Variants in ARNT2 observed in about 807,000 individuals in gnomAD.
The protein encoded by ARNT2 is ARNT protein 2.
A neutral mutation model predicts 91.7 loss-of-function variants in ARNT2; 36 were observed. That is an observed-to-expected ratio of 0.39 (90% confidence interval 0.30 to 0.52). The LOEUF (loss-of-function observed/expected upper bound fraction) is 0.52. ARNT2 is among the 20% of genes least tolerant of loss of function. The pLI is 0.72. For missense variants in ARNT2, 775 were observed against 939.3 expected, an observed-to-expected ratio of 0.83 and a Z score of 2.29; for synonymous variants, 365 against 347.1, an observed-to-expected ratio of 1.05 and a Z score of -0.57.
At chr15:80,570,994 A>G (rs1309933856) in intron 12 of ARNT2, among the ~76,000 whole-genome samples, 1 of 152,214 alleles carries the variant, frequency 6.6e-6, no homozygotes, top group East Asian at 1.9e-4. Flanking sequence ...ATCAGCACAG[A>G]CGGCATGGCC....
intron 8 of ARNT2, among the ~76,000 whole-genome samples, chr15:80,547,182 A>G (rs978119080): frequency 1.9e-4 from 29 of 152,128 alleles, no homozygotes; most frequent in Admixed American, 1.9e-3. Context: ...TAACACTGAG[A>G]TGTTATTTGC....
intron 1 of ARNT2, among the ~76,000 whole-genome samples, chr15:80,449,544 T>A (rs1475152717): frequency 6.6e-6 from 1 of 152,226 alleles, no homozygotes; most frequent in East Asian, 1.9e-4. Context: ...ATGTGTACCT[T>A]GGTTTAAAAA....
chr15:80,545,462 T>C (rs1046008278), intron 8 of ARNT2, among the ~76,000 whole-genome samples: 3 of 152,182 alleles, frequency 2.0e-5, no homozygotes, highest in African/African-American at 4.8e-5. Flanking sequence ...ATGAAGACTT[T>C]TGATTTGTGT....
At chr15:80,543,245 C>T (rs1327188377) in intron 8 of ARNT2, among the ~76,000 whole-genome samples, 1 of 152,062 alleles carries the variant, frequency 6.6e-6, no homozygotes, top group Non-Finnish European at 1.5e-5. Flanking sequence ...GTGCTCCACA[C>T]ACATCTTTCT....
At chr15:80,434,551 G>A (rs1394664963) in intron 1 of ARNT2, 1 of 152,496 alleles carries the variant, frequency 6.6e-6, no homozygotes, top group Non-Finnish European at 1.5e-5. Flanking sequence ...GAAGGTGTGA[G>A]TGTGAGCTCA....
At chr15:80,549,181 A>AAGAT (rs1382798437) in intron 8 of ARNT2, among the ~76,000 whole-genome samples, 2 of 152,280 alleles carry the variant, frequency 1.3e-5, no homozygotes, top group Non-Finnish European at 2.9e-5. Context: ...TATTTAGAGA[A>AAGAT]AGATAAAATT....
At chr15:80,480,963 T>A (rs1896877118) in intron 5 of ARNT2, among the ~76,000 whole-genome samples, 1 of 152,166 alleles carries the variant, frequency 6.6e-6, no homozygotes, top group Non-Finnish European at 1.5e-5. Flanking sequence ...CCTTCCCCTA[T>A]CTCCTATATG....
At chr15:80,493,066 G>A (rs1897078316) in intron 5 of ARNT2, among the ~76,000 whole-genome samples, 1 of 152,154 alleles carries the variant, frequency 6.6e-6, no homozygotes, top group African/African-American at 2.4e-5. Flanking sequence ...CTGACATCTG[G>A]CAGGGGCCCT....
chr15:80,560,532 G>A (rs756376794), intron 11 of ARNT2, among the ~76,000 whole-genome samples: 33 of 152,080 alleles, frequency 2.2e-4, no homozygotes, highest in African/African-American at 3.6e-4. Flanking sequence ...TCCTAAGGTC[G>A]TGCCTTCTGT....
intron 1 of ARNT2, among the ~76,000 whole-genome samples, chr15:80,419,611 A>G (rs1298717426): frequency 6.6e-6 from 1 of 152,218 alleles, no homozygotes; most frequent in African/African-American, 2.4e-5. Flanking sequence ...AAGAGGAATC[A>G]GTGGCCCAGT....
Position 80,514,425 on chromosome 15 carries a change from A to G in ARNT2, c.877+20A>G. ...CAGCAGGTAAGGAGACCTGCATGTA[A>G]ATTCCACGGGAACTGGGTGCTGCTC... On this transcript the variant is annotated intron_variant, in intron 8 of 18. Transcript: ENST00000303329. 1 of 1,609,726 alleles carries G rather than the reference A, an allele frequency of 6.2e-7. No homozygotes were observed. The highest frequency in any genetic ancestry group is 1.1e-5 in the South Asian group (1 of 90,972).
chr15:80,504,698 G>A (rs1055915265), intron 5 of ARNT2, among the ~76,000 whole-genome samples: 42 of 152,052 alleles, frequency 2.8e-4, no homozygotes, highest in African/African-American at 9.2e-4. Flanking sequence ...AGCCTCAGAG[G>A]TCAAGGCTGC....
rs1893362468 is a variant in ARNT2 at position 80,595,569 on chromosome 15, T to A, written c.*1871T>A. 2 of 152,256 alleles carry A rather than the reference T, an allele frequency of 1.3e-5. No homozygotes were observed. The highest frequency in any genetic ancestry group is 1.3e-4 in the Admixed American group (2 of 15,286). The allele number at this position is 152,256 out of a possible 1,614,324, so 9.4% of individuals were successfully genotyped here. A position where few individuals can be genotyped will look rare whatever the true frequency, so the allele number is the denominator to read the frequency against. On this transcript the variant is annotated 3_prime_UTR_variant, in exon 19 of 19. Coordinates refer to ENST00000303329, the MANE Select transcript of ARNT2 (RefSeq NM_014862.4). ...CTGGGGGACCTACAAAAGTCAAACA[T>A]TGCTCAGTAAAATGCCTTTGGCTGG...
intron 1 of ARNT2, among the ~76,000 whole-genome samples, chr15:80,422,812 A>G (rs531499623): frequency 6.6e-6 from 1 of 152,346 alleles, no homozygotes; most frequent in East Asian, 1.9e-4. Context: ...GATATTATTC[A>G]TATTAAATAT....
At chr15:80,410,266 C>G (rs1895661691) in intron 1 of ARNT2, among the ~76,000 whole-genome samples, 1 of 152,186 alleles carries the variant, frequency 6.6e-6, no homozygotes, top group Non-Finnish European at 1.5e-5. Flanking sequence ...CCCTGTCCAT[C>G]CCTTGGGCAC....
chr15:80,405,652 A>G (rs186705495), intron 1 of ARNT2, among the ~76,000 whole-genome samples: 275 of 152,328 alleles, frequency 1.8e-3, no homozygotes, highest in Middle Eastern at 6.8e-3. Flanking sequence ...ATACAGAGCC[A>G]GTAGCAGAGG....
intron 5 of ARNT2, among the ~76,000 whole-genome samples, chr15:80,481,654 A>G (rs1193970814): frequency 6.6e-6 from 1 of 152,198 alleles, no homozygotes; most frequent in African/African-American, 2.4e-5. Flanking sequence ...TCCAGGTTGC[A>G]GTGAGCCATG....
At chr15:80,536,085 G>A (rs1304238950) in intron 8 of ARNT2, among the ~76,000 whole-genome samples, 1 of 152,230 alleles carries the variant, frequency 6.6e-6, no homozygotes, top group Non-Finnish European at 1.5e-5. Flanking sequence ...CATTGAAGCA[G>A]CATGGTTGTC....
chr15:80,450,491 C>T (rs1354027924), intron 1 of ARNT2, among the ~76,000 whole-genome samples: 1 of 152,196 alleles, frequency 6.6e-6, no homozygotes, highest in Admixed American at 6.5e-5. Flanking sequence ...GGCGTGTGCC[C>T]CATCTGGGTT....
Sources: gnomAD v4.1 joint callset for allele counts (sites outside exome capture counted in the v4.1 genomes callset) on GRCh38, gnomAD v4.1.1 for gene constraint, MANE v1.5 for transcripts, NCBI Gene and HGNC (gene_info 2026-07-23, HGNC 2026-07-21) for gene names.